CHCHD3: variants seen among roughly 807,000 people sequenced by gnomAD.
The protein encoded by CHCHD3 is MICOS complex subunit MIC19.
A neutral mutation model predicts 38.2 loss-of-function variants in CHCHD3; 20 were observed. The ratio of observed to expected loss-of-function variants is 0.52; its 90% CI spans 0.37 to 0.76. The LOEUF (loss-of-function observed/expected upper bound fraction) is 0.76, where lower values mean the gene tolerates loss of function less well. CHCHD3 is among the 30% of genes least tolerant of loss of function. The pLI, the probability that CHCHD3 is intolerant of heterozygous loss-of-function variation, is 0.00. For synonymous variants in CHCHD3, 82 were observed against 100.0 expected, an observed-to-expected ratio of 0.82 and a Z score of 1.07; for missense variants, 245 against 279.2, an observed-to-expected ratio of 0.88 and a Z score of 0.87.
intron 6 of CHCHD3, among the ~76,000 whole-genome samples, chr7:132,831,328 T>A (rs1035440360): frequency 6.6e-6 from 1 of 152,178 alleles, no homozygotes; most frequent in Non-Finnish European, 1.5e-5. Flanking sequence ...CACCATTTGA[T>A]CATTTCAAAA....
intron 1 of CHCHD3, among the ~76,000 whole-genome samples, chr7:133,080,636 C>G (rs1457270760): frequency 6.6e-6 from 1 of 152,144 alleles, no homozygotes; most frequent in Non-Finnish European, 1.5e-5. Flanking sequence ...CACAATAACT[C>G]AAAGAATACA....
chr7:133,014,864 G>A (rs1812984145), intron 3 of CHCHD3, among the ~76,000 whole-genome samples: 1 of 151,930 alleles, frequency 6.6e-6, no homozygotes, highest in Non-Finnish European at 1.5e-5. Flanking sequence ...GAGCACACAC[G>A]TGCCTCACTG....
intron 4 of CHCHD3, among the ~76,000 whole-genome samples, chr7:132,894,400 C>A (rs142097869): frequency 6.6e-6 from 1 of 152,288 alleles, no homozygotes; most frequent in East Asian, 1.9e-4. Flanking sequence ...TGCACTGACC[C>A]AGCCCTGCAC....
At chr7:133,079,674 C>T (rs562637705) in intron 1 of CHCHD3, among the ~76,000 whole-genome samples, 4 of 152,186 alleles carry the variant, frequency 2.6e-5, no homozygotes, top group South Asian at 2.1e-4. Context: ...AACTAACCTG[C>T]GATTTAAACT....
chr7:133,070,061 C>T (rs1475463903), intron 2 of CHCHD3, 81 bp downstream of exon 2: 2 of 947,194 alleles, frequency 2.1e-6, no homozygotes, highest in Non-Finnish European at 3.2e-6. Flanking sequence ...AGACAGAATG[C>T]TAGAGAACTT....
At chr7:133,033,453 G>C (rs879661203) in intron 2 of CHCHD3, among the ~76,000 whole-genome samples, 1 of 152,016 alleles carries the variant, frequency 6.6e-6, no homozygotes, top group Non-Finnish European at 1.5e-5. Flanking sequence ...AAGTGGTGCC[G>C]TACTCCTCAA....
At chr7:133,025,679 T>G (rs746606961) in intron 2 of CHCHD3, among the ~76,000 whole-genome samples, 3 of 152,190 alleles carry the variant, frequency 2.0e-5, no homozygotes, top group Non-Finnish European at 4.4e-5. Context: ...TAATTTTTTG[T>G]ATTTTTAGTA....
At position 132,917,520 on chromosome 7, in the gene CHCHD3, T is replaced by C. The variant is rs563122220; in HGVS notation, c.370-31775A>G. Among the ~76,000 whole-genome samples the C allele has an allele frequency of 1.6e-3, 250 of 152,310 alleles. 1 individual carries two copies. The highest frequency in any genetic ancestry group is 6.6e-3 in the South Asian group (32 of 4,824). On this transcript the variant is annotated intron_variant, in intron 4 of 7. Transcript: ENST00000262570. ...TCTAAACTCTTGTGGTTCATTTTAA[T>C]TTTTGAACCTTAGTTTCTTCACCTA...
intron 3 of CHCHD3, among the ~76,000 whole-genome samples, chr7:133,006,228 G>C (rs958540080): frequency 2.0e-5 from 3 of 152,104 alleles, no homozygotes; most frequent in African/African-American, 7.2e-5. Context: ...CAGTTTGCAA[G>C]GCCAAGGCAG....
intron 6 of CHCHD3, among the ~76,000 whole-genome samples, chr7:132,829,228 G>A (rs1009322240): frequency 1.2e-4 from 19 of 152,200 alleles, no homozygotes; most frequent in African/African-American, 4.3e-4. Flanking sequence ...AGTAAGCAAG[G>A]ATCAATAAAC....
At chr7:133,011,097 C>T (rs1032299540) in intron 3 of CHCHD3, among the ~76,000 whole-genome samples, 4 of 152,028 alleles carry the variant, frequency 2.6e-5, no homozygotes, top group African/African-American at 9.7e-5. Flanking sequence ...ATATTCTGGA[C>T]AAGGAGCTAT....
At chr7:132,922,484 C>G (rs1810285071) in intron 4 of CHCHD3, among the ~76,000 whole-genome samples, 1 of 152,056 alleles carries the variant, frequency 6.6e-6, no homozygotes, top group East Asian at 1.9e-4. Context: ...GAGTCCAGGC[C>G]AGGTCCATTC....
intron 6 of CHCHD3, among the ~76,000 whole-genome samples, chr7:132,814,345 T>C (rs1474182389): frequency 6.6e-6 from 1 of 152,204 alleles, no homozygotes; most frequent in Non-Finnish European, 1.5e-5. Flanking sequence ...GTGAGGTCTG[T>C]CCCTTCCCCT....
At chr7:132,842,408 T>G (rs909450649) in intron 5 of CHCHD3, among the ~76,000 whole-genome samples, 2 of 152,194 alleles carry the variant, frequency 1.3e-5, no homozygotes, top group Non-Finnish European at 2.9e-5. Flanking sequence ...TCCCCTTATG[T>G]CCACATCTTA....
chr7:133,053,229 A>G (rs1302220474), intron 2 of CHCHD3, among the ~76,000 whole-genome samples: 2 of 152,244 alleles, frequency 1.3e-5, no homozygotes. Context: ...CAGTCACGTC[A>G]GGGCTTAAAT....
At chr7:132,860,411 G>C (rs1344363826) in intron 5 of CHCHD3, among the ~76,000 whole-genome samples, 1 of 151,956 alleles carries the variant, frequency 6.6e-6, no homozygotes, top group Non-Finnish European at 1.5e-5. Context: ...CTCAGTAACT[G>C]GTTCTATCTT....
chr7:133,081,788 G>A lies in CHCHD3; in HGVS notation c.81+69C>T, dbSNP rs1350467487. ...GACGGGAGAAACCCAGGCTGAGCGG[G>A]TCCGGAGAAGATGGGGCCTTGGGGT... On this transcript the variant is annotated intron_variant, in intron 1 of 7. Transcript: ENST00000262570. 6 of 1,473,392 alleles carry A rather than the reference G, an allele frequency of 4.1e-6. No homozygotes were observed. In the African/African-American group the frequency reaches 7.0e-5, roughly 17 times the overall value. The allele number at this position is 1,473,392 out of a possible 1,614,324, so 91.3% of individuals were successfully genotyped here. A position where few individuals can be genotyped will look rare whatever the true frequency, so the allele number is the denominator to read the frequency against.
At chr7:132,878,932 T>G (rs1325610721) in intron 5 of CHCHD3, among the ~76,000 whole-genome samples, 1 of 152,126 alleles carries the variant, frequency 6.6e-6, no homozygotes, top group Non-Finnish European at 1.5e-5. Context: ...TAGGAAAGCC[T>G]AAAACTTGTA....
intron 4 of CHCHD3, among the ~76,000 whole-genome samples, chr7:132,922,164 T>C (rs902787565): frequency 2.0e-5 from 3 of 152,162 alleles, no homozygotes; most frequent in Non-Finnish European, 4.4e-5. Context: ...AAGGAGGCAA[T>C]GGCTTCAGGT....
Sources: gnomAD v4.1 joint callset for allele counts (sites outside exome capture counted in the v4.1 genomes callset) on GRCh38, gnomAD v4.1.1 for gene constraint, MANE v1.5 for transcripts, NCBI Gene and HGNC (gene_info 2026-07-23, HGNC 2026-07-21) for gene names.